Variants in RAB3IP observed in about 807,000 individuals in gnomAD.
The protein encoded by RAB3IP is RAB3A interacting protein, also known as rab-3A-interacting protein.
Under a neutral mutation model 59.1 loss-of-function variants are expected in RAB3IP, and 36 were observed. The observed-to-expected ratio is 0.61, with a 90% CI of 0.47 to 0.80. The LOEUF is 0.80. Ranked by LOEUF, RAB3IP falls within the 30% of genes least tolerant of loss-of-function variation. The pLI is 0.00. For synonymous variants in RAB3IP, 207 were observed against 191.2 expected (o/e 1.08, Z -0.68); for missense variants, 511 against 536.0 (o/e 0.95, Z 0.46).
chr12:69,802,288 A>G (rs1263404619), intron 8 of RAB3IP, among the ~76,000 whole-genome samples: 1 of 152,074 alleles, frequency 6.6e-6, no homozygotes, highest in Non-Finnish European at 1.5e-5. Flanking sequence ...TGTGTACCAA[A>G]AAGACTTGAT....
rs149710857 is a variant in RAB3IP at position 69,748,550 on chromosome 12, T to C, written c.-25-6834T>C. On this transcript the variant is annotated intron_variant, in intron 1 of 10. Transcript: ENST00000247833. ...TGCATATTAGGGATCAGAAGCAAAT[T>C]GTTTTGATCAACTTTTTCTTGTGGT... Among the ~76,000 whole-genome samples the C allele has an allele frequency of 7.2e-5, 11 of 152,304 alleles. No individual in the cohort carries two copies. In the East Asian group the frequency reaches 1.7e-3, roughly 24 times the overall value.
At chr12:69,749,923 T>C (rs1243346005) in intron 1 of RAB3IP, among the ~76,000 whole-genome samples, 4 of 152,220 alleles carry the variant, frequency 2.6e-5, no homozygotes, top group Non-Finnish European at 5.9e-5. Flanking sequence ...TAGTAAATAC[T>C]TGCTGAAAGA....
intron 3 of RAB3IP, 84 bp from the exon 4 acceptor site, chr12:69,784,636 A>G (rs1875325828): frequency 1.8e-6 from 1 of 567,230 alleles, no homozygotes; most frequent in Admixed American, 3.5e-5. Context: ...CATATTTTAT[A>G]ATTTTATTAG....
chr12:69,746,306 C>T (rs997297760), intron 1 of RAB3IP, among the ~76,000 whole-genome samples: 1 of 152,174 alleles, frequency 6.6e-6, no homozygotes, highest in Admixed American at 6.5e-5. Flanking sequence ...AATGGTCTGT[C>T]ACAGTCTGCC....
At chr12:69,803,074 G>GT (rs1228164213) in intron 8 of RAB3IP, among the ~76,000 whole-genome samples, 9 of 152,068 alleles carry the variant, frequency 5.9e-5, no homozygotes, top group Admixed American at 3.9e-4. Context: ...GCATATAACT[G>GT]TTTTTATTGT....
upstream of RAB3IP, chr12:69,738,567 T>TCGGGCCCGGCGAAACAGAGCG (rs1415792342): frequency 2.0e-5 from 3 of 151,246 alleles, no homozygotes; most frequent in East Asian, 2.0e-4. Context: ...AGGCCGCCTC[T>TCGGGCCCGGCGAAACAGAGCG]CGGGCCCGGC....
intron 8 of RAB3IP, among the ~76,000 whole-genome samples, chr12:69,805,265 A>G (rs1879061830): frequency 6.6e-6 from 1 of 152,086 alleles, no homozygotes; most frequent in Admixed American, 6.5e-5. Flanking sequence ...GCAGTTGTGA[A>G]TGGGAGTTCA....
At position 69,755,515 on chromosome 12, in the gene RAB3IP, C is replaced by G. The variant is rs1870057049; in HGVS notation, c.107C>G (p.Ser36Ter). ...TCAGGAACTCAAGAGCAGACTACCTCACCAAGTGTCATCTACCGGCCACAC... is the reference window on the plus strand; with the variant it reads ...TCAGGAACTCAAGAGCAGACTACCTGACCAAGTGTCATCTACCGGCCACAC... ...YESGTQEQTTSPSVIYRPHPS... is the reference protein window; with the variant it reads ...YESGTQEQTT Residue 36 changes from serine (S) to a stop codon, truncating the protein, a stop_gained, in exon 2 of 11, where the codon TCA becomes TGA. Coordinates refer to ENST00000247833, the MANE Select transcript of RAB3IP (RefSeq NM_022456.5). LOFTEE classifies it high-confidence loss of function. 6.2e-7 allele frequency: 1 copy of G among 1,614,032 alleles called. No homozygotes were observed. Among genetic ancestry groups the G allele is most frequent in the African/African-American group, 1.3e-5 (1 of 74,904 alleles).
chr12:69,769,334 C>G (rs1872736689), intron 3 of RAB3IP, among the ~76,000 whole-genome samples: 1 of 152,146 alleles, frequency 6.6e-6, no homozygotes, highest in African/African-American at 2.4e-5. Flanking sequence ...ATAGCATCTC[C>G]AAGCCTCTCT....
rs182216423 is a variant in RAB3IP at position 69,750,794 on chromosome 12, A to G, written c.-25-4590A>G. 4.6e-4 allele frequency among the ~76,000 whole-genome samples: 69 copies of G among 151,530 alleles called. No individual in the cohort carries two copies. In the East Asian group the frequency reaches 0.012, roughly 26 times the overall value. ...GTGATGTTCATTTCTTATTTGCCAC[A>G]TAATATACATAATGTTTGATTGTCT... On this transcript the variant is annotated intron_variant, in intron 1 of 10. Coordinates refer to ENST00000247833, the MANE Select transcript of RAB3IP (RefSeq NM_022456.5).
chr12:69,769,369 G>A (rs891592870), intron 3 of RAB3IP, among the ~76,000 whole-genome samples: 1 of 152,182 alleles, frequency 6.6e-6, no homozygotes, highest in Non-Finnish European at 1.5e-5. Context: ...GGGATTGGGA[G>A]AAACAAAGTG....
At chr12:69,800,686 C>G (rs530515622) in intron 7 of RAB3IP, among the ~76,000 whole-genome samples, 1 of 152,268 alleles carries the variant, frequency 6.6e-6, no homozygotes, top group Non-Finnish European at 1.5e-5. Flanking sequence ...TTGTGTCTAT[C>G]TGTACATGAT....
chr12:69,758,077 T>A (rs971543516), intron 3 of RAB3IP, among the ~76,000 whole-genome samples: 1 of 152,258 alleles, frequency 6.6e-6, no homozygotes, highest in African/African-American at 2.4e-5. Flanking sequence ...AAAAGGACTC[T>A]TGAATATAAA....
chr12:69,739,888 C>A, intron 1 of RAB3IP: 2 of 1,613,270 alleles, frequency 1.2e-6, no homozygotes, highest in Middle Eastern at 1.7e-4. Flanking sequence ...TTGAAAGACA[C>A]GAGCGCTGAG....
intron 1 of RAB3IP, among the ~76,000 whole-genome samples, chr12:69,753,722 T>C (rs1265315220): frequency 6.6e-6 from 1 of 152,050 alleles, no homozygotes; most frequent in Non-Finnish European, 1.5e-5. Context: ...AGGAAAAAAA[T>C]TGGAAAGAGA....
intron 6 of RAB3IP, among the ~76,000 whole-genome samples, chr12:69,799,445 T>G (rs1422086339): frequency 6.6e-6 from 1 of 151,862 alleles, no homozygotes; most frequent in African/African-American, 2.4e-5. Context: ...TGGGGAAAAT[T>G]TATTAGGGAG....
intron 4 of RAB3IP, among the ~76,000 whole-genome samples, chr12:69,793,416 A>C (rs778560853): frequency 6.6e-6 from 1 of 152,216 alleles, no homozygotes; most frequent in Non-Finnish European, 1.5e-5. Flanking sequence ...TGACAGATCT[A>C]GTGAGGGTGC....
At chr12:69,785,967 C>A (rs1484126912) in intron 4 of RAB3IP, among the ~76,000 whole-genome samples, 1 of 152,052 alleles carries the variant, frequency 6.6e-6, no homozygotes, top group Admixed American at 6.5e-5. Context: ...AGTTCCTTAA[C>A]AAAAACATTG....
chr12:69,764,711 G>A (rs968099229), intron 3 of RAB3IP, among the ~76,000 whole-genome samples: 4 of 151,288 alleles, frequency 2.6e-5, no homozygotes, highest in African/African-American at 7.3e-5. Context: ...TAGGAATACC[G>A]TTGAATCTGT....
Sources: gnomAD v4.1 joint callset for allele counts (sites outside exome capture counted in the v4.1 genomes callset) on GRCh38, gnomAD v4.1.1 for gene constraint, MANE v1.5 for transcripts, NCBI Gene and HGNC (gene_info 2026-07-23, HGNC 2026-07-21) for gene names.